Variants in BMPR2 observed in about 807,000 individuals in gnomAD.
BMPR2 encodes bone morphogenetic protein receptor type-2.
In BMPR2, 29 loss-of-function variants were observed where a neutral mutation model predicts 100.8. That is an observed-to-expected ratio of 0.29 (90% CI 0.21 to 0.39). The LOEUF (loss-of-function observed/expected upper bound fraction) is 0.39. Among genes scored for constraint, BMPR2 ranks in the 10% least tolerant of loss-of-function variants. The pLI, the probability that BMPR2 is intolerant of heterozygous loss-of-function variation, is 1.00. For missense variants in BMPR2, 1,011 were observed against 1,274.5 expected, an observed-to-expected ratio of 0.79 and a Z score of 3.15; for synonymous variants, 382 against 442.3, an observed-to-expected ratio of 0.86 and a Z score of 1.71.
At position 202,532,690 on chromosome 2, in the gene BMPR2, A is replaced by G. The variant is rs949454544; in HGVS notation, c.1234A>G (p.Ile412Val). Reference sequence around the variant, plus strand: ...AGTAGACATGTATGCTCTTGGACTAATCTATTGGGAGATATTTATGAGATG... The same window carrying G: ...AGTAGACATGTATGCTCTTGGACTAGTCTATTGGGAGATATTTATGAGATG... The part of the protein sequence containing the change: ...KQVDMYALGL[I>V]YWEIFMRCTD... The change falls in exon 9 of 13, where the codon ATC becomes GTC. Residue 412 changes from isoleucine (I) to valine (V), a missense_variant. Transcript: ENST00000374580. This position sits in a 1 kb window ranked among gnomAD's most constrained non-coding sequence, Gnocchi z 4.1. 3 of 1,613,706 alleles carry G rather than the reference A, an allele frequency of 1.9e-6. No individual in the cohort carries two copies. The highest frequency in any genetic ancestry group is 1.7e-5 in the Admixed American group (1 of 60,026).
intron 3 of BMPR2, among the ~76,000 whole-genome samples, chr2:202,510,657 GGTTTTTTTT>G (rs1419429155): frequency 6.6e-6 from 1 of 151,892 alleles, no homozygotes; most frequent in Non-Finnish European, 1.5e-5. Flanking sequence ...TCTAAAATGA[GGTTTTTTTT>G]GTTTTTTTTT....
chr2:202,400,095 C>T (rs924170674), intron 1 of BMPR2, among the ~76,000 whole-genome samples: 7 of 151,836 alleles, frequency 4.6e-5, no homozygotes, highest in African/African-American at 1.2e-4. Flanking sequence ...GCCTGGGTGA[C>T]GGAGCGAGAC....
rs536261303 is a variant in BMPR2, at chr2:202,389,400, G to A, written c.76+11850G>A. 6.6e-5 allele frequency among the ~76,000 whole-genome samples: 10 copies of A among 150,950 alleles called. No individual in the cohort carries two copies. The East Asian group carries it at 1.8e-3, about 27-fold the overall frequency. Reference sequence around the variant, plus strand: ...AAATTAGCTTGGCGTGGTGGCATGCGCTTGTAGTCCCAGCTACTCGGGAGG... The same window carrying A: ...AAATTAGCTTGGCGTGGTGGCATGCACTTGTAGTCCCAGCTACTCGGGAGG... On this transcript the variant is annotated intron_variant, in intron 1 of 12. Coordinates refer to ENST00000374580, the MANE Select transcript of BMPR2 (RefSeq NM_001204.7).
At chr2:202,439,752 C>T (rs10193172) in intron 1 of BMPR2, among the ~76,000 whole-genome samples, 68,519 of 143,374 alleles carry the variant, frequency 0.48, 17,404 homozygotes, top group African/African-American at 0.54. Flanking sequence ...TTTCTTTTTT[C>T]TTTTTTTTTA....
intron 7 of BMPR2, 74 bp downstream of exon 7, chr2:202,520,275 TCAAAG>T: frequency 1.0e-6 from 1 of 969,560 alleles, no homozygotes; most frequent in Non-Finnish European, 1.6e-6. Context: ...AATTATATCT[TCAAAG>T]TAAAAGTATA....
At chr2:202,442,102 G>A (rs1052267484) in intron 1 of BMPR2, among the ~76,000 whole-genome samples, 3 of 150,492 alleles carry the variant, frequency 2.0e-5, no homozygotes, top group African/African-American at 5.0e-5. Flanking sequence ...GGGGAGTCAC[G>A]TACTTCATCT....
chr2:202,555,351 C>G lies in BMPR2; in HGVS notation c.1686C>G (p.Ile562Met). ...IEDSIHHTDS[I>M]VKNISSEHSM... ...ACTCTATCCATCATACTGACAGCATCGTGAAGAATATTTCCTCTGAGCATT... is the reference window on the plus strand; with the variant it reads ...ACTCTATCCATCATACTGACAGCATGGTGAAGAATATTTCCTCTGAGCATT... Residue 562 changes from isoleucine (I) to methionine (M), a missense_variant, in exon 12 of 13, where the codon ATC becomes ATG. Physicochemically the swap from Ile to Met is conservative, Grantham distance 10 (BLOSUM62 1). Transcript: ENST00000374580. 1 of 1,614,074 alleles carries G rather than the reference C, an allele frequency of 6.2e-7. No homozygotes were observed. Among genetic ancestry groups the G allele is most frequent in the Non-Finnish European group, 8.5e-7 (1 of 1,179,940 alleles).
At chr2:202,546,157 A>T (rs891005328) in intron 10 of BMPR2, among the ~76,000 whole-genome samples, 2 of 152,214 alleles carry the variant, frequency 1.3e-5, no homozygotes, top group East Asian at 1.9e-4. Flanking sequence ...AATCCATTTA[A>T]ATCTAATGTG....
chr2:202,454,308 C>T (rs1435664353), intron 1 of BMPR2, among the ~76,000 whole-genome samples: 3 of 152,072 alleles, frequency 2.0e-5, no homozygotes, highest in African/African-American at 4.8e-5. Flanking sequence ...TGAGCTCAAG[C>T]GATCCGCCCA....
At chr2:202,405,962 T>C (rs961555637) in intron 1 of BMPR2, among the ~76,000 whole-genome samples, 7 of 152,200 alleles carry the variant, frequency 4.6e-5, no homozygotes, top group Non-Finnish European at 8.8e-5. Context: ...AGTCATTTTG[T>C]AGTTGCACTT....
intron 3 of BMPR2, among the ~76,000 whole-genome samples, chr2:202,469,763 C>G (rs1035450599): frequency 3.3e-5 from 5 of 151,872 alleles, no homozygotes; most frequent in Non-Finnish European, 7.4e-5. Flanking sequence ...GACTACAGGC[C>G]TGAGCCACCG....
intron 4 of BMPR2, 90 bp from the exon 5 acceptor site, chr2:202,514,798 C>G: frequency 9.5e-7 from 1 of 1,057,456 alleles, no homozygotes; most frequent in Non-Finnish European, 1.4e-6. Flanking sequence ...TTCTGCAGCT[C>G]TTCTTTTTAA....
chr2:202,395,458 T>C (rs1355838893), intron 1 of BMPR2, among the ~76,000 whole-genome samples: 2 of 152,234 alleles, frequency 1.3e-5, no homozygotes, highest in Non-Finnish European at 1.5e-5. Flanking sequence ...GATACAGAAG[T>C]GTGAATCTTG....
intron 1 of BMPR2, among the ~76,000 whole-genome samples, chr2:202,450,802 G>T (rs980134806): frequency 6.6e-6 from 1 of 151,826 alleles, no homozygotes; most frequent in Non-Finnish European, 1.5e-5. Flanking sequence ...AATTTTATAG[G>T]GACAATTATG....
chr2:202,557,792 C>T (rs555230384), intron 12 of BMPR2, among the ~76,000 whole-genome samples: 1 of 151,838 alleles, frequency 6.6e-6, no homozygotes, highest in Non-Finnish European at 1.5e-5. Context: ...GAATAATTAC[C>T]CAATTTAATA....
At chr2:202,391,330 G>C (rs1248445977) in intron 1 of BMPR2, among the ~76,000 whole-genome samples, 2 of 151,376 alleles carry the variant, frequency 1.3e-5, no homozygotes, top group African/African-American at 4.9e-5. Context: ...ATAAAATAGG[G>C]CCTTGCTCTG....
At chr2:202,492,311 G>A (rs1407855567) in intron 3 of BMPR2, among the ~76,000 whole-genome samples, 1 of 151,810 alleles carries the variant, frequency 6.6e-6, no homozygotes, top group South Asian at 2.1e-4. Context: ...TCTGCATTTT[G>A]TATTATAAAC....
chr2:202,535,238 A>G (rs1455374183), intron 9 of BMPR2, among the ~76,000 whole-genome samples: 12 of 150,094 alleles, frequency 8.0e-5, no homozygotes, highest in African/African-American at 2.7e-4. Context: ...GACACTCCTC[A>G]CTTCCCAGAC....
At chr2:202,427,238 A>G (rs571984174) in intron 1 of BMPR2, among the ~76,000 whole-genome samples, 1 of 151,612 alleles carries the variant, frequency 6.6e-6, no homozygotes, top group Non-Finnish European at 1.5e-5. Context: ...TGTGCCTGGT[A>G]CTTCCCAGCT....
Sources: gnomAD v4.1 joint callset for allele counts (sites outside exome capture counted in the v4.1 genomes callset) on GRCh38, gnomAD v4.1.1 for gene constraint, Gnocchi (gnomAD v3.1) non-coding constraint, MANE v1.5 for transcripts, NCBI Gene and HGNC (gene_info 2026-07-23, HGNC 2026-07-21) for gene names.